The following NLGN1 variants were observed in gnomAD, a reference collection of about 807,000 sequenced individuals.
NLGN1 encodes neuroligin 1.
NLGN1 carries 12 observed loss-of-function variants against 65.5 expected under a neutral mutation model. The ratio of observed to expected loss-of-function variants is 0.18; its 90% confidence interval spans 0.12 to 0.30. The LOEUF is 0.30. NLGN1 is among the 10% of genes least tolerant of loss of function. NLGN1 has a pLI of 1.00. For missense variants in NLGN1, 750 were observed against 1,007.1 expected, an observed-to-expected ratio of 0.74 and a Z score of 3.46; for synonymous variants, 350 against 359.5, an observed-to-expected ratio of 0.97 and a Z score of 0.30.
intron 4 of NLGN1, among the ~76,000 whole-genome samples, chr3:174,227,572 T>A (rs532341124): frequency 6.6e-6 from 1 of 152,222 alleles, no homozygotes; most frequent in South Asian, 2.1e-4. Context: ...GAAAGTTATA[T>A]TTTTAGGTAG....
At chr3:174,060,742 C>T (rs1217240852) in intron 4 of NLGN1, among the ~76,000 whole-genome samples, 2 of 152,042 alleles carry the variant, frequency 1.3e-5, no homozygotes, top group African/African-American at 4.8e-5. Context: ...TTTGCTGGCT[C>T]AAGCTGATAA....
chr3:174,114,578 A>G (rs1399745741), intron 4 of NLGN1, among the ~76,000 whole-genome samples: 2 of 152,146 alleles, frequency 1.3e-5, no homozygotes. Context: ...AAATACAACA[A>G]AAAGGTAGCC....
chr3:174,136,696 C>G (rs940141690), intron 4 of NLGN1: 3 of 152,086 alleles, frequency 2.0e-5, no homozygotes, highest in South Asian at 2.1e-4. Context: ...CCAGGTAGGC[C>G]TGCAGACATA....
chr3:173,798,869 G>A (rs1316185739), intron 3 of NLGN1, among the ~76,000 whole-genome samples: 1 of 151,956 alleles, frequency 6.6e-6, no homozygotes, highest in Non-Finnish European at 1.5e-5. Context: ...CTGAGCTGAT[G>A]AAACATAACT....
intron 3 of NLGN1, among the ~76,000 whole-genome samples, chr3:173,609,138 G>A (rs1472924087): frequency 2.0e-5 from 3 of 151,962 alleles, no homozygotes; most frequent in Non-Finnish European, 4.4e-5. Context: ...AGGACCCAGA[G>A]AGGATTCACA....
intron 3 of NLGN1, among the ~76,000 whole-genome samples, chr3:173,617,534 A>G (rs1230971894): frequency 6.6e-6 from 1 of 152,182 alleles, no homozygotes; most frequent in Non-Finnish European, 1.5e-5. Flanking sequence ...CTATGCCATC[A>G]CTGTTTGTTT....
chr3:173,825,219 T>C (rs1054380651), intron 4 of NLGN1, among the ~76,000 whole-genome samples: 2 of 152,084 alleles, frequency 1.3e-5, no homozygotes, highest in African/African-American at 4.8e-5. Context: ...CTGAAAGGGA[T>C]TGAGAAAGCT....
At chr3:173,907,875 A>AC (rs1415927668) in intron 4 of NLGN1, among the ~76,000 whole-genome samples, 2 of 151,580 alleles carry the variant, frequency 1.3e-5, no homozygotes, top group Non-Finnish European at 2.9e-5. Flanking sequence ...GTGAGCCACC[A>AC]CCCCCGGCTA....
intron 2 of NLGN1, among the ~76,000 whole-genome samples, chr3:173,455,271 C>CTGGA (rs1178945932): frequency 6.6e-6 from 1 of 152,058 alleles, no homozygotes; most frequent in Admixed American, 6.6e-5. Context: ...ATGGTGAGAC[C>CTGGA]TGGAGCAAGG....
Position 173,958,445 on chromosome 3 carries a change from G to A in NLGN1, c.646+150613G>A, listed in dbSNP as rs554444273. 4.6e-5 allele frequency among the ~76,000 whole-genome samples: 7 copies of A among 151,646 alleles called. No homozygotes were observed. The South Asian group carries it at 1.0e-3, about 23-fold the overall frequency. Reference sequence around the variant, plus strand: ...ACCCTGGAGTGGGTAGCTCCTCTCCGTGGCTGATTGTCCACTCATTTACTC... The same window carrying A: ...ACCCTGGAGTGGGTAGCTCCTCTCCATGGCTGATTGTCCACTCATTTACTC... On this transcript the variant is annotated intron_variant, in intron 4 of 6. Coordinates refer to ENST00000457714, the Ensembl canonical transcript of NLGN1.
intron 4 of NLGN1, among the ~76,000 whole-genome samples, chr3:174,174,758 C>CT (rs1225624110): frequency 1.3e-5 from 2 of 151,856 alleles, no homozygotes; most frequent in African/African-American, 2.4e-5. Flanking sequence ...AAAGTTTTCT[C>CT]TTTTTTTAAT....
At chr3:174,138,869 G>A (rs1018836725) in intron 4 of NLGN1, among the ~76,000 whole-genome samples, 47 of 152,146 alleles carry the variant, frequency 3.1e-4, no homozygotes, top group Non-Finnish European at 5.7e-4. Context: ...GGAAAAAAAA[G>A]GGAAAAGGTG....
At chr3:174,066,855 T>G (rs536401080) in intron 4 of NLGN1, among the ~76,000 whole-genome samples, 16 of 152,024 alleles carry the variant, frequency 1.1e-4, no homozygotes, top group Admixed American at 2.0e-4. Context: ...CAAATGACTG[T>G]TCTGGTGTTT....
At chr3:174,101,689 C>G (rs987827351) in intron 4 of NLGN1, among the ~76,000 whole-genome samples, 1 of 152,120 alleles carries the variant, frequency 6.6e-6, no homozygotes, top group African/African-American at 2.4e-5. Context: ...ATTTGTTTTT[C>G]CGCAGGCCCT....
At chr3:173,756,505 T>TCTA (rs1377447216) in intron 3 of NLGN1, among the ~76,000 whole-genome samples, 2 of 151,846 alleles carry the variant, frequency 1.3e-5, no homozygotes, top group African/African-American at 2.4e-5. Context: ...AGTACATGTG[T>TCTA]GTAGATATAT....
chr3:173,981,495 A>G (rs1208072400), intron 4 of NLGN1, among the ~76,000 whole-genome samples: 1 of 152,136 alleles, frequency 6.6e-6, no homozygotes, highest in Non-Finnish European at 1.5e-5. Flanking sequence ...TGTAACACGT[A>G]ACTCCAACTA....
At chr3:173,811,648 A>C (rs1387181167) in intron 4 of NLGN1, among the ~76,000 whole-genome samples, 1 of 151,940 alleles carries the variant, frequency 6.6e-6, no homozygotes, top group Non-Finnish European at 1.5e-5. Context: ...AAGGGGGGAA[A>C]TAATCAAACT....
chr3:174,023,652 G>C (rs978450099), intron 4 of NLGN1, among the ~76,000 whole-genome samples: 50 of 152,260 alleles, frequency 3.3e-4, no homozygotes, highest in African/African-American at 1.2e-3. Flanking sequence ...CAGGATGACT[G>C]TGTTGCTGCA....
intron 3 of NLGN1, among the ~76,000 whole-genome samples, chr3:173,780,001 C>G (rs1402888517): frequency 9.2e-5 from 14 of 152,132 alleles, no homozygotes. Context: ...CATTTACCTA[C>G]AAGGTCTGTG....
Sources: gnomAD v4.1 joint callset for allele counts (sites outside exome capture counted in the v4.1 genomes callset) on GRCh38, gnomAD v4.1.1 for gene constraint, MANE v1.5 for transcripts, NCBI Gene and HGNC (gene_info 2026-07-23, HGNC 2026-07-21) for gene names.